Variants in KCNMA1 observed in about 807,000 individuals in gnomAD.
KCNMA1 encodes potassium calcium-activated channel subfamily M alpha 1, also known as Calcium-activated potassium channel subunit alpha-1.
A neutral mutation model predicts 140.0 loss-of-function variants in KCNMA1; 29 were observed. That is an observed-to-expected ratio of 0.21 (90% confidence interval 0.15 to 0.28). The LOEUF (loss-of-function observed/expected upper bound fraction) is 0.28. KCNMA1 is among the 10% of genes least tolerant of loss of function. The pLI is 1.00. For missense variants in KCNMA1, 880 were observed against 1,602.2 expected, an observed-to-expected ratio of 0.55 and a Z score of 7.70; for synonymous variants, 612 against 611.9, an observed-to-expected ratio of 1.00 and a Z score of 0.00.
intron 2 of KCNMA1, among the ~76,000 whole-genome samples, chr10:77,327,869 C>A (rs1328013471): frequency 6.6e-6 from 1 of 152,134 alleles, no homozygotes; most frequent in East Asian, 1.9e-4. Context: ...AATGCTCTCT[C>A]AGTTTCCTCT....
intron 5 of KCNMA1, among the ~76,000 whole-genome samples, chr10:77,137,423 C>T (rs2098067948): frequency 6.6e-6 from 1 of 152,186 alleles, no homozygotes. Context: ...TCATTGTTAT[C>T]TGGCCTTGCA....
At chr10:77,376,493 G>A (rs1358757365) in intron 2 of KCNMA1, 4 of 152,110 alleles carry the variant, frequency 2.6e-5, no homozygotes, top group Admixed American at 1.3e-4. Context: ...CCCTCAGGGT[G>A]TTATCCAAAA....
At chr10:77,448,733 A>T (rs2097574239) in intron 1 of KCNMA1, among the ~76,000 whole-genome samples, 1 of 152,204 alleles carries the variant, frequency 6.6e-6, no homozygotes, top group African/African-American at 2.4e-5. Flanking sequence ...ATCAAAAAGA[A>T]TTTATGGGCA....
intron 1 of KCNMA1, among the ~76,000 whole-genome samples, chr10:77,439,134 AGAG>A (rs2097334528): frequency 2.8e-5 from 4 of 144,770 alleles, no homozygotes; most frequent in Admixed American, 6.8e-5. Context: ...AGAGAAGAGA[AGAG>A]AAGAGAAGAG....
intron 5 of KCNMA1, among the ~76,000 whole-genome samples, chr10:77,128,283 C>G (rs1479909221): frequency 6.6e-6 from 1 of 151,830 alleles, no homozygotes; most frequent in East Asian, 1.9e-4. Flanking sequence ...TTCCTACTGT[C>G]AAATTTTACT....
At chr10:76,951,460 T>C in intron 21 of KCNMA1, among the ~76,000 whole-genome samples, 1 of 152,214 alleles carries the variant, frequency 6.6e-6, no homozygotes, top group East Asian at 1.9e-4. Flanking sequence ...CTCCCCTACA[T>C]TTCAATAGCA....
intron 2 of KCNMA1, among the ~76,000 whole-genome samples, chr10:77,336,700 G>C (rs1261174116): frequency 3.9e-5 from 6 of 152,140 alleles, no homozygotes; most frequent in Non-Finnish European, 8.8e-5. Flanking sequence ...TGATGGCATT[G>C]GGAGCTGAGT....
intron 1 of KCNMA1, among the ~76,000 whole-genome samples, chr10:77,622,372 G>A (rs1222327756): frequency 2.0e-5 from 3 of 152,186 alleles, no homozygotes; most frequent in Non-Finnish European, 4.4e-5. Flanking sequence ...TATAAATGAG[G>A]TGTACAGTGT....
At chr10:77,046,983 T>A (rs928220787) in intron 14 of KCNMA1, among the ~76,000 whole-genome samples, 1 of 152,222 alleles carries the variant, frequency 6.6e-6, no homozygotes, top group Non-Finnish European at 1.5e-5. Flanking sequence ...AAACTGCATC[T>A]CAGCGCTGAA....
At position 77,083,846 on chromosome 10, in the gene KCNMA1, AC is replaced by A. The variant is rs760970446; in HGVS notation, c.1523+790del. Among the ~76,000 whole-genome samples the A allele has an allele frequency of 1.6e-3, 207 of 131,934 alleles. 1 individual carries two copies. Among genetic ancestry groups the A allele is most frequent in the Non-Finnish European group, 2.4e-3 (152 of 62,984 alleles). 86.6% of individuals were successfully genotyped at this position (131,934 alleles called of 152,430 possible). A position where few individuals can be genotyped will look rare whatever the true frequency, so the allele number is the denominator to read the frequency against. ...CGAGACTCTGTCTCTATGAAAAAAA[AC>A]GGGGGGGGGTTGGGGGAGGTGGGAG... On this transcript the variant is annotated intron_variant, in intron 12 of 27. Coordinates refer to ENST00000286628, the MANE Select transcript of KCNMA1 (RefSeq NM_001161352.2).
In KCNMA1 at chr10:77,396,007, A is replaced by G. The variant is rs142519783; in HGVS notation, c.540+7855T>C. Among the ~76,000 whole-genome samples, 18 of 152,344 alleles carry G rather than the reference A, an allele frequency of 1.2e-4. No individual in the cohort carries two copies. The East Asian group carries it at 3.3e-3, about 28-fold the overall frequency. On this transcript the variant is annotated intron_variant, in intron 2 of 27. Coordinates refer to ENST00000286628, the MANE Select transcript of KCNMA1 (RefSeq NM_001161352.2). ...TTCTTTGACTTTTTGACTGATACCC[A>G]TAATGTGATTTCAGTATCTATGCAT...
intron 20 of KCNMA1, among the ~76,000 whole-genome samples, chr10:76,961,607 T>C (rs1320342552): frequency 3.9e-5 from 6 of 152,312 alleles, no homozygotes; most frequent in African/African-American, 1.4e-4. Context: ...GAGAAATCTT[T>C]TGTCAAAGGA....
intron 3 of KCNMA1, among the ~76,000 whole-genome samples, chr10:77,225,041 G>A (rs1232626079): frequency 6.6e-6 from 1 of 152,184 alleles, no homozygotes; most frequent in Non-Finnish European, 1.5e-5. Context: ...GTGCAGAAAA[G>A]GCTCAAAATG....
intron 1 of KCNMA1, among the ~76,000 whole-genome samples, chr10:77,549,451 A>T (rs1205104972): frequency 1.3e-5 from 2 of 152,216 alleles, no homozygotes; most frequent in East Asian, 3.9e-4. Flanking sequence ...GAGAGGCCTT[A>T]AACTCCTTGG....
At chr10:77,529,792 G>A (rs1302885010) in intron 1 of KCNMA1, among the ~76,000 whole-genome samples, 1 of 152,016 alleles carries the variant, frequency 6.6e-6, no homozygotes, top group Non-Finnish European at 1.5e-5. Context: ...CCCCACGTGG[G>A]CCTTTGTCAG....
chr10:76,989,959 T>A (rs570104521), intron 19 of KCNMA1, among the ~76,000 whole-genome samples: 1 of 152,232 alleles, frequency 6.6e-6, no homozygotes, highest in South Asian at 2.1e-4. Context: ...GTTAATTTCA[T>A]ATGTTAATGA....
intron 3 of KCNMA1, among the ~76,000 whole-genome samples, chr10:77,241,696 C>T (rs2057320442): frequency 6.6e-6 from 1 of 151,876 alleles, no homozygotes; most frequent in African/African-American, 2.4e-5. Context: ...TCCTGTAATC[C>T]CAACTACTCA....
chr10:77,264,601 C>T (rs1468215732), intron 2 of KCNMA1, among the ~76,000 whole-genome samples: 1 of 152,082 alleles, frequency 6.6e-6, no homozygotes, highest in Non-Finnish European at 1.5e-5. Flanking sequence ...TCTTTCATTG[C>T]ACAGTTTTAA....
intron 9 of KCNMA1, among the ~76,000 whole-genome samples, chr10:77,095,892 C>T (rs2096920362): frequency 6.6e-6 from 1 of 152,084 alleles, no homozygotes; most frequent in Non-Finnish European, 1.5e-5. Context: ...GTGACTGAGG[C>T]ATCAAGAGAG....
Sources: allele counts gnomAD v4.1 joint callset (sites outside exome capture counted in the v4.1 genomes callset), GRCh38; gene constraint gnomAD v4.1.1; transcripts MANE v1.5; gene names NCBI Gene and HGNC (gene_info 2026-07-23, HGNC 2026-07-21).